GHR: variants seen among roughly 807,000 people sequenced by gnomAD.
The protein encoded by GHR is GH receptor.
In GHR, 35 loss-of-function variants were observed where a neutral mutation model predicts 67.1. That is an observed-to-expected ratio of 0.52 (90% CI 0.40 to 0.69). The LOEUF is 0.69. GHR is among the 30% of genes least tolerant of loss of function. The pLI is 0.00. For missense variants in GHR, 792 were observed against 764.6 expected (o/e 1.04, Z -0.42); for synonymous variants, 272 against 269.1 (o/e 1.01, Z -0.10).
At chr5:42,653,893 A>G (rs1755127158) in intron 3 of GHR, among the ~76,000 whole-genome samples, 2 of 152,174 alleles carry the variant, frequency 1.3e-5, no homozygotes, top group African/African-American at 2.4e-5. Flanking sequence ...TTGACCTACA[A>G]CTTCAAGGGT....
intron 2 of GHR, among the ~76,000 whole-genome samples, chr5:42,625,796 A>T (rs1316599173): frequency 1.4e-5 from 2 of 142,382 alleles, no homozygotes; most frequent in Non-Finnish European, 3.2e-5. Context: ...CTCTTAGTTG[A>T]TTACTGCCTG....
intron 2 of GHR, 60 bp from the exon 3 acceptor site, chr5:42,628,978 G>A: frequency 1.0e-6 from 1 of 953,624 alleles, no homozygotes; most frequent in South Asian, 1.4e-5. Context: ...AGTTTACACA[G>A]GGTCATATCA....
At chr5:42,594,885 T>C (rs1751985904) in intron 2 of GHR, among the ~76,000 whole-genome samples, 2 of 152,164 alleles carry the variant, frequency 1.3e-5, no homozygotes, top group African/African-American at 2.4e-5. Context: ...TTGTAGGCTC[T>C]GGAAAACTCC....
chr5:42,686,856 G>C (rs1352531818), intron 3 of GHR, among the ~76,000 whole-genome samples: 1 of 152,266 alleles, frequency 6.6e-6, no homozygotes, highest in Non-Finnish European at 1.5e-5. Context: ...AGAAATAAAG[G>C]GTATTCAATT....
In GHR at chr5:42,699,830, C is replaced by A. The variant is rs121909365; in HGVS notation, c.446C>A (p.Pro149Gln). 2 of 1,605,642 alleles carry A rather than the reference C, an allele frequency of 1.2e-6. No homozygotes were observed. Among genetic ancestry groups the A allele is most frequent in the East Asian group, 2.2e-5 (1 of 44,828 alleles). ...KCFSVDEIVQ[P>Q]DPPIALNWTL... Reference sequence around the variant, plus strand: ...GCTCTGTTGAATTGCACAGTGCAACCAGATCCACCCATTGCCCTCAACTGG... The same window carrying A: ...GCTCTGTTGAATTGCACAGTGCAACAAGATCCACCCATTGCCCTCAACTGG... The change falls in exon 6 of 10, where the codon CCA becomes CAA. Residue 149 changes from proline (P) to glutamine (Q), a missense_variant. Transcript: ENST00000230882.
chr5:42,705,682 T>A (rs1471120830), intron 6 of GHR, among the ~76,000 whole-genome samples: 2 of 152,140 alleles, frequency 1.3e-5, no homozygotes, highest in African/African-American at 4.8e-5. Flanking sequence ...TGCATTAGTG[T>A]GCTTAGCATA....
chr5:42,600,970 A>T (rs1251179865), intron 2 of GHR, among the ~76,000 whole-genome samples: 1 of 109,334 alleles, frequency 9.1e-6, no homozygotes, highest in Non-Finnish European at 1.7e-5. Flanking sequence ...CTTGATGCCC[A>T]GGCTGGAGTG....
At chr5:42,642,382 CT>C (rs1754522119) in intron 3 of GHR, among the ~76,000 whole-genome samples, 1 of 152,132 alleles carries the variant, frequency 6.6e-6, no homozygotes, top group South Asian at 2.1e-4. Context: ...TTATGTTCCC[CT>C]CAAGGCATAA....
intron 1 of GHR, among the ~76,000 whole-genome samples, chr5:42,447,050 A>T (rs1743833794): frequency 6.6e-6 from 1 of 152,244 alleles, no homozygotes; most frequent in Admixed American, 6.5e-5. Context: ...TTTAAACATA[A>T]TGAAATTGGT....
intron 3 of GHR, among the ~76,000 whole-genome samples, chr5:42,662,642 A>C (rs1332899390): frequency 6.6e-6 from 1 of 152,198 alleles, no homozygotes; most frequent in Non-Finnish European, 1.5e-5. Context: ...AAATGCCCAC[A>C]AGAGAAAGCA....
At chr5:42,521,877 T>C (rs929427304) in intron 1 of GHR, among the ~76,000 whole-genome samples, 4 of 152,260 alleles carry the variant, frequency 2.6e-5, no homozygotes, top group African/African-American at 9.6e-5. Flanking sequence ...TTTAGCATGT[T>C]CACATATTCT....
intron 3 of GHR, among the ~76,000 whole-genome samples, chr5:42,660,190 A>G (rs529550423): frequency 2.0e-4 from 30 of 152,304 alleles, no homozygotes; most frequent in South Asian, 1.7e-3. Context: ...GGGTACAGAC[A>G]AACAAAAAGA....
chr5:42,467,907 A>T lies in GHR; in HGVS notation c.-12+43952A>T. 3 of 763,214 alleles carry T rather than the reference A, an allele frequency of 3.9e-6. No homozygotes were observed. The South Asian group carries it at 5.2e-5, about 13-fold the overall frequency. 47.3% of individuals were successfully genotyped at this position (763,214 alleles called of 1,614,324 possible). On this transcript the variant is annotated intron_variant, in intron 1 of 9. Transcript: ENST00000230882. ...CATTTCTGGTCTTCCTCTTCTTTGA[A>T]GCTTTCAGGTAAGTGACAGTCATTC...
rs577399995 is a variant in GHR at position 42,565,177 on chromosome 5, C to T, written c.-11-687C>T. Among the ~76,000 whole-genome samples, 6 of 152,334 alleles carry T rather than the reference C, an allele frequency of 3.9e-5. No homozygotes were observed. The South Asian group carries it at 1.2e-3, about 32-fold the overall frequency. ...GGCTAGCAAAGCCACAGACGCATCC[C>T]TCTTGGTGTCTGAGGTGTTCACATT... On this transcript the variant is annotated intron_variant, in intron 1 of 9. Transcript: ENST00000230882.
At chr5:42,560,382 C>T (rs539994888) in intron 1 of GHR, among the ~76,000 whole-genome samples, 2 of 152,032 alleles carry the variant, frequency 1.3e-5, no homozygotes, top group Non-Finnish European at 2.9e-5. Flanking sequence ...TTGGTAGAGA[C>T]GGGGTTTCAC....
intron 1 of GHR, among the ~76,000 whole-genome samples, chr5:42,540,631 T>A (rs2112376220): frequency 6.6e-6 from 1 of 152,258 alleles, no homozygotes; most frequent in East Asian, 1.9e-4. Flanking sequence ...TCTGGTAGAA[T>A]ATGCCCTCCC....
chr5:42,446,885 G>C (rs1743827941), intron 1 of GHR, among the ~76,000 whole-genome samples: 1 of 152,290 alleles, frequency 6.6e-6, no homozygotes, highest in South Asian at 2.1e-4. Context: ...GTCACATGCA[G>C]TCAAGAAACC....
chr5:42,688,919 T>G lies in GHR; in HGVS notation c.166T>G (p.Cys56Gly). The G allele has an allele frequency of 6.2e-7, 1 of 1,613,828 alleles. No homozygotes were observed. The highest frequency in any genetic ancestry group is 1.1e-5 in the South Asian group (1 of 91,062). Residue 56 changes from cysteine (C) to glycine (G), a missense_variant, in exon 4 of 10, where the codon TGC becomes GGC. By Grantham distance (159) the Cys-to-Gly change is radical. Transcript: ENST00000230882. ...TTCTAAGGAGCCTAAATTCACCAAG[T>G]GCCGTTCACCTGAGCGAGAGACTTT... Reference protein sequence around the residue: ...NSSKEPKFTKCRSPERETFSC... With the variant: ...NSSKEPKFTKGRSPERETFSC...
At chr5:42,599,199 G>C (rs1353190019) in intron 2 of GHR, among the ~76,000 whole-genome samples, 1 of 152,178 alleles carries the variant, frequency 6.6e-6, no homozygotes. Context: ...GACTATGTCA[G>C]ATTAGGTAGA....
Sources: gnomAD v4.1 joint callset for allele counts (sites outside exome capture counted in the v4.1 genomes callset) on GRCh38, gnomAD v4.1.1 for gene constraint, MANE v1.5 for transcripts, NCBI Gene and HGNC (gene_info 2026-07-23, HGNC 2026-07-21) for gene names.